Variants in BAHD1 observed in about 807,000 individuals in gnomAD.
The protein encoded by BAHD1 is bromo adjacent homology domain containing 1, also known as bromo adjacent homology domain-containing 1 protein.
Under a neutral mutation model 63.1 loss-of-function variants are expected in BAHD1, and 20 were observed. The ratio of observed to expected loss-of-function variants is 0.32; its 90% CI spans 0.22 to 0.46. BAHD1 has a LOEUF of 0.46. Ranked by LOEUF, BAHD1 falls within the 20% of genes least tolerant of loss-of-function variation. The pLI is 1.00. For synonymous variants in BAHD1, 408 were observed against 426.8 expected (o/e 0.96, Z 0.54); for missense variants, 939 against 1,071.8 (o/e 0.88, Z 1.73).
At chr15:40,464,932 A>G in intron 5 of BAHD1, 1 of 382,748 alleles carries the variant, frequency 2.6e-6, no homozygotes, top group African/African-American at 2.0e-5. Context: ...CTAACACCCC[A>G]TAGGCTCTCC....
chr15:40,449,557 T>C (rs979057362), intron 1 of BAHD1, among the ~76,000 whole-genome samples: 34 of 151,786 alleles, frequency 2.2e-4, no homozygotes, highest in African/African-American at 8.0e-4. Flanking sequence ...CCCAGCACTT[T>C]GGGATGCTGA....
rs537475574 is a variant in BAHD1 at position 40,449,660 on chromosome 15, T to C, written c.-15+8392T>C. On this transcript the variant is annotated intron_variant, in intron 1 of 6. Coordinates refer to ENST00000416165, the MANE Select transcript of BAHD1 (RefSeq NM_014952.5). Reference sequence around the variant, plus strand: ...ACAAAAATAAAAATAAATTTAAAAATTAGCCAGGCATGGTGGTGTAGGCCT... The same window carrying C: ...ACAAAAATAAAAATAAATTTAAAAACTAGCCAGGCATGGTGGTGTAGGCCT... 6.6e-5 allele frequency among the ~76,000 whole-genome samples: 10 copies of C among 151,500 alleles called. No individual in the cohort carries two copies. In the South Asian group the frequency reaches 1.9e-3, roughly 29 times the overall value.
At chr15:40,462,642 C>T (rs770756345) in intron 3 of BAHD1, among the ~76,000 whole-genome samples, 17 of 152,098 alleles carry the variant, frequency 1.1e-4, no homozygotes, top group South Asian at 4.2e-4. Context: ...CTGGATAAGT[C>T]TATATAGGGG....
rs1304113627 is a variant in BAHD1 at position 40,459,582 on chromosome 15, T to C, written c.1118T>C (p.Leu373Pro). The C allele has an allele frequency of 6.2e-7, 1 of 1,614,070 alleles. No homozygotes were observed. Among genetic ancestry groups the C allele is most frequent in the East Asian group, 2.2e-5 (1 of 44,898 alleles). ...AATGGCCTGTGTGTTGGGCCTGAGC[T>C]CACTGCACTAGGCAGCTTCTACCTG... ...DYNGLCVGPE[L>P]TALGSFYLYC... Residue 373 changes from leucine to proline, a missense_variant, in exon 2 of 7, where the codon CTC becomes CCC. Leu to Pro is a moderately conservative substitution (Grantham distance 98, BLOSUM62 -3). This residue lies in a region of BAHD1 where 797 missense variants were observed against 813.3 expected (regional missense o/e 0.98). Transcript: ENST00000416165.
chr15:40,441,608 G>A (rs559923036), intron 1 of BAHD1, among the ~76,000 whole-genome samples: 20 of 146,918 alleles, frequency 1.4e-4, no homozygotes, highest in African/African-American at 4.7e-4. Context: ...GTGGCAGCTC[G>A]GCCGGGCGGC....
chr15:40,462,080 C>T lies in BAHD1; in HGVS notation c.1601C>T (p.Ala534Val), dbSNP rs749648600. The T allele has an allele frequency of 8.7e-6, 14 of 1,613,366 alleles. No homozygotes were observed. The highest frequency in any genetic ancestry group is 2.2e-5 in the East Asian group (1 of 44,890). Residue 534 changes from alanine (A) to valine (V), a missense_variant, in exon 3 of 7, where the codon GCG (alanine) becomes GTG (valine). Coordinates refer to ENST00000416165, the MANE Select transcript of BAHD1 (RefSeq NM_014952.5). Reference sequence around the variant, plus strand: ...TCGGAGCCCCAGACAGTAGCCCGTGCGTGCCCTCAGAGCGCCAAACCTCCC... The same window carrying T: ...TCGGAGCCCCAGACAGTAGCCCGTGTGTGCCCTCAGAGCGCCAAACCTCCC... ...PTSEPQTVARACPQSAKPPSG... is the reference protein window; with the variant it reads ...PTSEPQTVARVCPQSAKPPSG...
In BAHD1 at chr15:40,448,369, A is replaced by T. The variant is rs1038451527; in HGVS notation, c.-15+7101A>T. 2.0e-5 allele frequency among the ~76,000 whole-genome samples: 3 copies of T among 152,304 alleles called. No individual in the cohort carries two copies. The South Asian group carries it at 6.2e-4, about 32-fold the overall frequency. On this transcript the variant is annotated intron_variant, in intron 1 of 6. Coordinates refer to ENST00000416165, the MANE Select transcript of BAHD1 (RefSeq NM_014952.5). ...GTGGGAAAACTAATAATGTGTGGTA[A>T]TGCCAATAATTAAAGCACAGAAAAA...
In BAHD1 at chr15:40,441,054, C is replaced by T. The variant is rs1383748422; in HGVS notation, c.-229C>T. On this transcript the variant is annotated 5_prime_UTR_variant, in exon 1 of 7. Coordinates refer to ENST00000416165, the MANE Select transcript of BAHD1 (RefSeq NM_014952.5). Reference sequence around the variant, plus strand: ...CCCCGCCCGTCCGGCCCCCGCCGTCCGCCCGCCCCGGCCAGGCGCGCCCGC... The same window carrying T: ...CCCCGCCCGTCCGGCCCCCGCCGTCTGCCCGCCCCGGCCAGGCGCGCCCGC... Among the ~76,000 whole-genome samples, 2 of 146,150 alleles carry T rather than the reference C, an allele frequency of 1.4e-5. No homozygotes were observed. The highest frequency in any genetic ancestry group is 4.0e-4 in the East Asian group (2 of 5,052).
upstream of BAHD1, among the ~76,000 whole-genome samples, chr15:40,438,643 C>T (rs1023602716): frequency 6.6e-6 from 1 of 152,242 alleles, no homozygotes; most frequent in Middle Eastern, 3.4e-3. Flanking sequence ...CACTGAGACC[C>T]CAGATAAGAC....
chr15:40,439,769 G>A (rs1199478958), upstream of BAHD1: 1 of 152,314 alleles, frequency 6.6e-6, no homozygotes, highest in Non-Finnish European at 1.5e-5. Context: ...TGAAGTCCTA[G>A]GCGGGCTCTG....
intron 1 of BAHD1, among the ~76,000 whole-genome samples, chr15:40,446,240 A>G (rs1288868028): frequency 6.6e-6 from 1 of 152,206 alleles, no homozygotes; most frequent in Non-Finnish European, 1.5e-5. Context: ...AAATGGCTAA[A>G]AAGGAGGAGG....
rs544558536 is a variant in BAHD1, at chr15:40,445,986, G to T, written c.-15+4718G>T. On this transcript the variant is annotated intron_variant, in intron 1 of 6. Coordinates refer to ENST00000416165, the MANE Select transcript of BAHD1 (RefSeq NM_014952.5). The stretch of plus-strand genomic sequence containing the variant: ...ACCCTGAAGTGACAGAAAATACCAT[G>T]CGCAGTCAAGAGCTCATGATAATTA... Among the ~76,000 whole-genome samples, 74 of 152,292 alleles carry T rather than the reference G, an allele frequency of 4.9e-4. 1 individual carries two copies. Among genetic ancestry groups the T allele is most frequent in the African/African-American group, 1.7e-3 (69 of 41,552 alleles).
At chr15:40,444,184 A>G (rs1017801076) in intron 1 of BAHD1, among the ~76,000 whole-genome samples, 7 of 152,128 alleles carry the variant, frequency 4.6e-5, no homozygotes, top group Non-Finnish European at 8.8e-5. Flanking sequence ...TGTTGAGTGA[A>G]TAAATGTGGT....
intron 1 of BAHD1, among the ~76,000 whole-genome samples, chr15:40,451,157 A>C (rs1049779452): frequency 3.2e-4 from 49 of 151,594 alleles, no homozygotes; most frequent in African/African-American, 1.1e-3. Flanking sequence ...AAAAAAAAAA[A>C]AAAAAAAAAA....
intron 1 of BAHD1, among the ~76,000 whole-genome samples, chr15:40,444,017 C>A (rs1893470869): frequency 6.6e-6 from 1 of 152,178 alleles, no homozygotes; most frequent in African/African-American, 2.4e-5. Context: ...CGCCTGAGCT[C>A]ATGACTCTGG....
intron 2 of BAHD1, 145 bp downstream of exon 2, chr15:40,460,041 G>A (rs983182054): frequency 4.3e-5 from 46 of 1,076,712 alleles, no homozygotes; most frequent in Non-Finnish European, 5.5e-5. Context: ...GAGAACTCCC[G>A]TAGTCTGTGC....
rs780433008 is a variant in BAHD1 at position 40,465,950 on chromosome 15, C to T, written c.2163C>T (p.Ala721=). 1.3e-6 allele frequency: 2 copies of T among 1,592,942 alleles called. No individual in the cohort carries two copies. The highest frequency in any genetic ancestry group is 1.8e-5 in the Admixed American group (1 of 56,096). Residue 721 remains alanine (A), a synonymous_variant, in exon 7 of 7, where the codon GCC becomes GCT. Coordinates refer to ENST00000416165, the MANE Select transcript of BAHD1 (RefSeq NM_014952.5). ...LTFAEYCRFC[A]MAKRRGEGLP... Reference sequence around the variant, plus strand: ...TGGTATCTCTCTACAGGTTCTGTGCCATGGCCAAGCGCCGAGGTGAAGGCC... The same window carrying T: ...TGGTATCTCTCTACAGGTTCTGTGCTATGGCCAAGCGCCGAGGTGAAGGCC...
chr15:40,461,853 G>A, intron 2 of BAHD1, 59 bp from the exon 3 acceptor site: 2 of 1,517,008 alleles, frequency 1.3e-6, no homozygotes, highest in South Asian at 2.6e-5. Context: ...GGCTCTGAAA[G>A]CAGATGGGTG....
At chr15:40,463,151 T>C (rs1334507811) in intron 3 of BAHD1, among the ~76,000 whole-genome samples, 1 of 151,406 alleles carries the variant, frequency 6.6e-6, no homozygotes, top group African/African-American at 2.4e-5. Context: ...AAAAAATTTT[T>C]TTAATTAGCC....
Sources: gnomAD v4.1 joint callset for allele counts (sites outside exome capture counted in the v4.1 genomes callset) on GRCh38, gnomAD v4.1.1 for gene constraint, gnomAD v4.1.1 regional missense constraint, MANE v1.5 for transcripts, NCBI Gene and HGNC (gene_info 2026-07-23, HGNC 2026-07-21) for gene names.